The following ASTN2 variants were observed in gnomAD, a reference collection of about 807,000 sequenced individuals.
The protein encoded by ASTN2 is astrotactin 2, also known as astrotactin-2.
A neutral mutation model predicts 139.8 loss-of-function variants in ASTN2; 54 were observed. The observed-to-expected ratio is 0.39, with a 90% CI of 0.31 to 0.48. The LOEUF (loss-of-function observed/expected upper bound fraction) is 0.48, where lower values mean the gene tolerates loss of function less well. Ranked by LOEUF, ASTN2 falls within the 20% of genes least tolerant of loss-of-function variation. The pLI, the probability that ASTN2 is intolerant of heterozygous loss-of-function variation, is 0.95. For synonymous variants in ASTN2, 756 were observed against 719.5 expected, an observed-to-expected ratio of 1.05 and a Z score of -0.81; for missense variants, 1,565 against 1,725.1, an observed-to-expected ratio of 0.91 and a Z score of 1.64.
chr9:116,563,677 T>C (rs1188989440), intron 19 of ASTN2, among the ~76,000 whole-genome samples: 1 of 152,204 alleles, frequency 6.6e-6, no homozygotes, highest in Non-Finnish European at 1.5e-5. Flanking sequence ...TTTTTTCTGC[T>C]TTTCTTTTTC....
At chr9:117,117,146 C>T (rs988082013) in intron 4 of ASTN2, among the ~76,000 whole-genome samples, 1 of 152,004 alleles carries the variant, frequency 6.6e-6, no homozygotes, top group Non-Finnish European at 1.5e-5. Context: ...CAGAGAGGGG[C>T]TCATCTTTGG....
At chr9:116,609,377 G>GTATA (rs1356237603) in intron 19 of ASTN2, among the ~76,000 whole-genome samples, 1 of 31,614 alleles carries the variant, frequency 3.2e-5, no homozygotes, top group Non-Finnish European at 5.6e-5. Context: ...ATATATATGG[G>GTATA]TGTATATATA....
intron 5 of ASTN2, among the ~76,000 whole-genome samples, chr9:117,062,455 C>T (rs975681455): frequency 2.0e-5 from 3 of 152,126 alleles, no homozygotes; most frequent in Non-Finnish European, 4.4e-5. Flanking sequence ...GTGCTTTGGG[C>T]CCTGTGTAAG....
intron 11 of ASTN2, among the ~76,000 whole-genome samples, chr9:116,861,215 AC>A (rs1832872187): frequency 1.7e-4 from 1 of 5,790 alleles, no homozygotes; most frequent in Non-Finnish European, 6.8e-4. Context: ...AGCCCAAGCT[AC>A]ACACACACAC....
At chr9:117,146,421 A>C (rs1489657419) in intron 3 of ASTN2, among the ~76,000 whole-genome samples, 2 of 151,370 alleles carry the variant, frequency 1.3e-5, no homozygotes, top group Non-Finnish European at 2.9e-5. Flanking sequence ...CCTGGTCCCC[A>C]AGCCAAGCTA....
intron 13 of ASTN2, among the ~76,000 whole-genome samples, chr9:116,770,117 A>C (rs988953920): frequency 4.0e-5 from 6 of 151,714 alleles, no homozygotes; most frequent in African/African-American, 1.5e-4. Flanking sequence ...AAAAAAAAAA[A>C]AACTAAAAAG....
At chr9:116,437,253 G>A (rs888490721) in intron 22 of ASTN2, 65 of 469,314 alleles carry the variant, frequency 1.4e-4, no homozygotes, top group African/African-American at 1.2e-3. Context: ...TATAGGTGAG[G>A]AGACTGAGGG....
chr9:116,536,046 T>G (rs1851610233), intron 19 of ASTN2, among the ~76,000 whole-genome samples: 1 of 148,408 alleles, frequency 6.7e-6, no homozygotes, highest in Non-Finnish European at 1.5e-5. Flanking sequence ...TTGGAGGCTT[T>G]GTTTGTTTCT....
intron 20 of ASTN2, among the ~76,000 whole-genome samples, chr9:116,461,604 A>T (rs1848489326): frequency 6.6e-6 from 1 of 151,926 alleles, no homozygotes. Flanking sequence ...TTTTCCATCC[A>T]GTGAACTGTG....
chr9:117,059,345 G>T (rs1247997837), intron 5 of ASTN2, among the ~76,000 whole-genome samples: 1 of 152,198 alleles, frequency 6.6e-6, no homozygotes, highest in Non-Finnish European at 1.5e-5. Flanking sequence ...CAGGCGTGGT[G>T]GCTCATGCCT....
chr9:116,626,279 T>A (rs1473580777), intron 17 of ASTN2, among the ~76,000 whole-genome samples: 2 of 150,612 alleles, frequency 1.3e-5, no homozygotes, highest in Non-Finnish European at 2.9e-5. Flanking sequence ...GTGCTGGGAT[T>A]ATAGGCATAA....
intron 16 of ASTN2, among the ~76,000 whole-genome samples, chr9:116,668,555 C>T (rs1320620559): frequency 1.3e-5 from 2 of 152,180 alleles, no homozygotes; most frequent in Admixed American, 6.5e-5. Context: ...TTTAGAAGCT[C>T]ATTTCTTTTT....
rs1041148797 is a variant in ASTN2, at chr9:116,805,539, G to A, written c.2396+93C>T. The A allele has an allele frequency of 6.8e-6, 8 of 1,172,558 alleles. No individual in the cohort carries two copies. The Admixed American group carries it at 9.7e-5, about 14-fold the overall frequency. The allele number at this position is 1,172,558 out of a possible 1,614,324, so 72.6% of individuals were successfully genotyped here. On this transcript the variant is annotated intron_variant, in intron 13 of 22. Transcript: ENST00000313400. ...TAAAGTGATGCTGGCCAGAATAACAGGTCTCTACCCCATTGTGCCCATGGC... is the reference window on the plus strand; with the variant it reads ...TAAAGTGATGCTGGCCAGAATAACAAGTCTCTACCCCATTGTGCCCATGGC...
intron 19 of ASTN2, among the ~76,000 whole-genome samples, chr9:116,506,683 C>G (rs1850124786): frequency 6.6e-6 from 1 of 152,130 alleles, no homozygotes; most frequent in African/African-American, 2.4e-5. Context: ...ATCTCCAACC[C>G]CCCAAAAAGT....
At chr9:116,964,572 C>A (rs542038727) in intron 10 of ASTN2, among the ~76,000 whole-genome samples, 1 of 152,208 alleles carries the variant, frequency 6.6e-6, no homozygotes, top group Admixed American at 6.5e-5. Context: ...ACTGTCCATG[C>A]AATGGCAGAG....
At chr9:117,294,147 G>GA (rs1356238466) in intron 1 of ASTN2, among the ~76,000 whole-genome samples, 3 of 152,236 alleles carry the variant, frequency 2.0e-5, no homozygotes, top group African/African-American at 4.8e-5. Context: ...GTTCACTGGT[G>GA]AATTTGTACC....
At chr9:117,163,175 G>A (rs1308101548) in intron 3 of ASTN2, among the ~76,000 whole-genome samples, 1 of 152,068 alleles carries the variant, frequency 6.6e-6, no homozygotes, top group Non-Finnish European at 1.5e-5. Context: ...AGTTTCACCT[G>A]CCTTCCTCAG....
At chr9:117,030,618 T>C (rs1377540064) in intron 6 of ASTN2, among the ~76,000 whole-genome samples, 1 of 152,164 alleles carries the variant, frequency 6.6e-6, no homozygotes, top group Admixed American at 6.6e-5. Context: ...CTGCTTAGAA[T>C]GGTTTTTCTG....
In ASTN2 at chr9:116,980,443, G is replaced by C. The variant is rs140904055; in HGVS notation, c.1592-3658C>G. The stretch of plus-strand genomic sequence containing the variant: ...CCCTTTAATTCCAAGCTGGCCACTG[G>C]GTTCTGGTATATGTTTACATTTAGA... On this transcript the variant is annotated intron_variant, in intron 7 of 22. Transcript: ENST00000313400. 5.1e-3 allele frequency among the ~76,000 whole-genome samples: 771 copies of C among 151,636 alleles called. 2 individuals are homozygous for C. The highest frequency in any genetic ancestry group is 0.018 in the African/African-American group (732 of 41,340).
Sources: allele counts gnomAD v4.1 joint callset (sites outside exome capture counted in the v4.1 genomes callset), GRCh38; gene constraint gnomAD v4.1.1; transcripts MANE v1.5; gene names NCBI Gene and HGNC (gene_info 2026-07-23, HGNC 2026-07-21).